Variants in ZXDC observed in about 807,000 individuals in gnomAD.
ZXDC encodes the protein zinc finger protein ZXDC.
ZXDC carries 58 observed loss-of-function variants against 63.6 expected under a neutral mutation model. The observed-to-expected ratio is 0.91, with a 90% CI of 0.74 to 1.13. The LOEUF is 1.13. Ranked by LOEUF, ZXDC falls within the 50% of genes most tolerant of loss-of-function variation. The pLI is 0.00. For synonymous variants in ZXDC, 561 were observed against 496.1 expected (o/e 1.13, Z -1.74); for missense variants, 1,133 against 1,148.9 (o/e 0.99, Z 0.20).
Position 126,475,525 on chromosome 3 carries a change from C to T in ZXDC, c.341G>A (p.Gly114Asp). The T allele has an allele frequency of 7.9e-7, 1 of 1,263,428 alleles. No homozygotes were observed. The highest frequency in any genetic ancestry group is 9.9e-7 in the Non-Finnish European group (1 of 1,007,148). 78.3% of individuals were successfully genotyped at this position (1,263,428 alleles called of 1,614,324 possible). A position where few individuals can be genotyped will look rare whatever the true frequency, so the allele number is the denominator to read the frequency against. ...GCCAGGGCCGGGGGGGGCGGCCGGGCCGCTGGGGCCCTGCTCGGGGCGGCT... is the reference window on the plus strand; with the variant it reads ...GCCAGGGCCGGGGGGGGCGGCCGGGTCGCTGGGGCCCTGCTCGGGGCGGCT... ...LASRPEQGPS[G>D]PAAPPGPGVA... Residue 114 changes from glycine (G) to aspartate (D), a missense_variant, in exon 1 of 10, where the codon GGC (glycine) becomes GAC (aspartate). Gly to Asp is a moderately conservative substitution (Grantham distance 94). Transcript: ENST00000389709.
At chr3:126,453,805 C>T (rs1934203538) in intron 7 of ZXDC, 2 of 981,250 alleles carry the variant, frequency 2.0e-6, no homozygotes, top group South Asian at 9.4e-5. Context: ...AGCGATTCTC[C>T]TGCCTCAGCC....
chr3:126,451,701 T>C (rs1202751121), intron 7 of ZXDC: 1 of 985,382 alleles, frequency 1.0e-6, no homozygotes, highest in Non-Finnish European at 1.2e-6. Flanking sequence ...TGTGTCTCGC[T>C]CGTTGCCATC....
In ZXDC at chr3:126,439,716, G is replaced by T. The variant is rs745825685; in HGVS notation, c.2406C>A (p.Ser802=). The T allele has an allele frequency of 2.7e-5, 42 of 1,551,380 alleles. No homozygotes were observed. Among genetic ancestry groups the T allele is most frequent in the Non-Finnish European group, 3.5e-5 (40 of 1,147,042 alleles). ...GGGCCGAGGGCAGGACACCTTCGCC[G>T]GAGGGGTCATCCTGGGAAGGCAACA... ...VQVQLVQDDP[S]GEGVLPSARG... The change falls in exon 9 of 10, where the codon TCC becomes TCA. Residue 802 remains serine (S), a synonymous_variant. Coordinates refer to ENST00000389709, the MANE Select transcript of ZXDC (RefSeq NM_025112.5).
chr3:126,459,279 T>TCCCCAGGTCTCTGCCATGCCAAGATCAGG, intron 7 of ZXDC: 1 of 985,386 alleles, frequency 1.0e-6, no homozygotes, highest in East Asian at 1.1e-4. Flanking sequence ...ACAGTGGCAG[T>TCCCCAGGTCTCTGCCATGCCAAGATCAGG]CCCCAGGTCT....
chr3:126,466,227 T>C lies in ZXDC; in HGVS notation c.1369A>G (p.Thr457Ala), dbSNP rs773095970. 33 of 1,614,112 alleles carry C rather than the reference T, an allele frequency of 2.0e-5. No homozygotes were observed. The highest frequency in any genetic ancestry group is 2.7e-5 in the African/African-American group (2 of 74,938). ...GAPKSRCPVSTCNRLFTSKHS... is the reference protein window; with the variant it reads ...GAPKSRCPVSACNRLFTSKHS... Reference sequence around the variant, plus strand: ...TTGGAGGTGAAGAGTCTGTTGCAGGTAGAAACTGGGCAACGGCTTTTCGGA... The same window carrying C: ...TTGGAGGTGAAGAGTCTGTTGCAGGCAGAAACTGGGCAACGGCTTTTCGGA... The change falls in exon 5 of 10, where the codon ACC (threonine) becomes GCC (alanine). Residue 457 changes from threonine (T) to alanine (A), a missense_variant. Transcript: ENST00000389709.
At chr3:126,467,723 G>A (rs577527288) in intron 4 of ZXDC, among the ~76,000 whole-genome samples, 4 of 152,260 alleles carry the variant, frequency 2.6e-5, no homozygotes, top group South Asian at 4.1e-4. Context: ...CTGCAAGCGC[G>A]CAGTTTCCTC....
In ZXDC at chr3:126,462,133, T is replaced by A; in HGVS notation, c.1529A>T (p.Asp510Val). 6.2e-7 allele frequency: 1 copy of A among 1,613,582 alleles called. No homozygotes were observed. Among genetic ancestry groups the A allele is most frequent in the South Asian group, 1.1e-5 (1 of 91,078 alleles). ...SPGQSELTNMDLAALFSDTPA... is the reference protein window; with the variant it reads ...SPGQSELTNMVLAALFSDTPA... ...TGTGTCAGAGAAGAGTGCAGCAAGA[T>A]CCATGTTAGTGAGCTCACTTTGGCC... Residue 510 changes from aspartate to valine, a missense_variant, in exon 6 of 10, where the codon GAT (aspartate) becomes GTT (valine). Asp to Val is a radical substitution (Grantham distance 152). Coordinates refer to ENST00000389709, the MANE Select transcript of ZXDC (RefSeq NM_025112.5).
At chr3:126,452,885 T>G (rs1934159690) in intron 7 of ZXDC, 1 of 359,696 alleles carries the variant, frequency 2.8e-6, no homozygotes, top group African/African-American at 2.2e-5. Flanking sequence ...ACCACAGGTG[T>G]GCACCACCAC....
intron 7 of ZXDC, 76 bp from the exon 8 acceptor site, chr3:126,442,022 A>G: frequency 1.4e-6 from 2 of 1,425,006 alleles, no homozygotes; most frequent in African/African-American, 2.9e-5. Flanking sequence ...AGGTCTCACT[A>G]TGGGGAAGAC....
intron 7 of ZXDC, chr3:126,452,698 G>T: frequency 4.1e-6 from 2 of 486,216 alleles, no homozygotes; most frequent in Non-Finnish European, 5.3e-6. Context: ...GTTTTATTTA[G>T]AACATTTCCA....
intron 6 of ZXDC, chr3:126,459,961 A>G: frequency 2.0e-6 from 2 of 985,486 alleles, no homozygotes; most frequent in Non-Finnish European, 2.4e-6. Flanking sequence ...CCAGAGAAGC[A>G]AAGTTCATTC....
intron 7 of ZXDC, chr3:126,450,340 A>G (rs1296036447): frequency 2.2e-6 from 1 of 456,714 alleles, no homozygotes; most frequent in East Asian, 7.0e-5. Context: ...GACAGCTCCC[A>G]CTTCGGCAAG....
intron 1 of ZXDC, among the ~76,000 whole-genome samples, chr3:126,473,715 A>G (rs1935067140): frequency 1.3e-5 from 2 of 152,358 alleles, no homozygotes; most frequent in Admixed American, 6.5e-5. Flanking sequence ...ACCCGTTCAT[A>G]ATTCTCATCT....
intron 7 of ZXDC, chr3:126,454,154 T>C (rs1560095131): frequency 2.1e-6 from 2 of 968,044 alleles, no homozygotes; most frequent in Non-Finnish European, 1.2e-6. Flanking sequence ...GGACATGGAA[T>C]AGGATCTGTT....
intron 8 of ZXDC, chr3:126,440,251 C>T (rs1933625444): frequency 2.0e-6 from 2 of 991,710 alleles, no homozygotes; most frequent in Admixed American, 5.7e-5. Flanking sequence ...TCCCACACTT[C>T]GCCTGTCCTG....
chr3:126,459,801 T>C (rs940000682), intron 6 of ZXDC, 64 bp from the exon 7 acceptor site: 15 of 1,613,098 alleles, frequency 9.3e-6, no homozygotes, highest in African/African-American at 1.3e-5. Context: ...GCAAGGGAGC[T>C]ACAGAAGTGC....
intron 8 of ZXDC, chr3:126,440,664 C>T: frequency 1.0e-6 from 1 of 985,966 alleles, no homozygotes; most frequent in Non-Finnish European, 1.2e-6. Context: ...GGAGTTCTTA[C>T]CTCTTCAGAA....
chr3:126,449,676 G>A (rs1001840165), intron 7 of ZXDC, among the ~76,000 whole-genome samples: 1 of 152,190 alleles, frequency 6.6e-6, no homozygotes, highest in Non-Finnish European at 1.5e-5. Flanking sequence ...CTGGAGACCT[G>A]CCACTGACGG....
chr3:126,444,817 G>A (rs1413830788), intron 7 of ZXDC, among the ~76,000 whole-genome samples: 5 of 152,134 alleles, frequency 3.3e-5, no homozygotes, highest in Admixed American at 6.5e-5. Flanking sequence ...TGTGCCATTC[G>A]AATCATGGGA....
Sources: gnomAD v4.1 joint callset for allele counts (sites outside exome capture counted in the v4.1 genomes callset) on GRCh38, gnomAD v4.1.1 for gene constraint, MANE v1.5 for transcripts, NCBI Gene and HGNC (gene_info 2026-07-23, HGNC 2026-07-21) for gene names.